Variants in PCDHA11 observed in about 807,000 individuals in gnomAD.
PCDHA11 encodes the protein protocadherin alpha 11, also known as protocadherin alpha-11.
Under a neutral mutation model 70.3 loss-of-function variants are expected in PCDHA11, and 61 were observed. That is an observed-to-expected ratio of 0.87 (90% CI 0.71 to 1.07). The LOEUF is 1.07. Ranked by LOEUF, PCDHA11 falls within the 50% of genes least tolerant of loss-of-function variation. The pLI is 0.00. For synonymous variants in PCDHA11, 633 were observed against 555.1 expected, an observed-to-expected ratio of 1.14 and a Z score of -1.97; for missense variants, 1,324 against 1,237.5, an observed-to-expected ratio of 1.07 and a Z score of -1.05.
At chr5:140,872,215 A>T (rs931630004) in intron 1 of PCDHA11, among the ~76,000 whole-genome samples, 2 of 152,188 alleles carry the variant, frequency 1.3e-5, no homozygotes, top group Non-Finnish European at 2.9e-5. Flanking sequence ...ATTATATATG[A>T]AACAATCTTT....
intron 3 of PCDHA11, among the ~76,000 whole-genome samples, chr5:141,008,578 C>T (rs1185736158): frequency 6.6e-6 from 1 of 152,202 alleles, no homozygotes; most frequent in Non-Finnish European, 1.5e-5. Context: ...TTTCCCAAGA[C>T]TCAGGGCAGA....
intron 3 of PCDHA11, among the ~76,000 whole-genome samples, chr5:140,995,639 A>G (rs1410943855): frequency 6.6e-6 from 1 of 152,190 alleles, no homozygotes; most frequent in Non-Finnish European, 1.5e-5. Context: ...TGGAGTGTTT[A>G]GAAAAGGAGA....
At chr5:140,894,043 C>G (rs1562874850) in intron 1 of PCDHA11, among the ~76,000 whole-genome samples, 1 of 152,050 alleles carries the variant, frequency 6.6e-6, no homozygotes, top group Non-Finnish European at 1.5e-5. Flanking sequence ...AATGTAAGTC[C>G]TCTGTTGAAT....
chr5:140,883,263 G>T (rs562257406), intron 1 of PCDHA11: 2 of 1,613,988 alleles, frequency 1.2e-6, no homozygotes, highest in Admixed American at 1.7e-5. Flanking sequence ...CCAATGGCGG[G>T]TCATTGTACC....
At chr5:140,903,429 G>T (rs782504374) in intron 1 of PCDHA11, among the ~76,000 whole-genome samples, 2 of 152,180 alleles carry the variant, frequency 1.3e-5, no homozygotes, top group South Asian at 4.1e-4. Context: ...AGCACAATAT[G>T]TATCAGTGGA....
intron 1 of PCDHA11, among the ~76,000 whole-genome samples, chr5:140,960,371 T>A (rs2095543916): frequency 6.6e-6 from 1 of 152,196 alleles, no homozygotes; most frequent in Non-Finnish European, 1.5e-5. Context: ...TGCCAACTCT[T>A]AAGTGCCAAG....
intron 1 of PCDHA11, among the ~76,000 whole-genome samples, chr5:140,923,269 T>C (rs1554201320): frequency 6.6e-6 from 1 of 152,218 alleles, no homozygotes; most frequent in Non-Finnish European, 1.5e-5. Flanking sequence ...TGAGACCTTG[T>C]CTCTACAAAA....
intron 1 of PCDHA11, among the ~76,000 whole-genome samples, chr5:140,888,291 A>G (rs539984108): frequency 9.2e-5 from 14 of 152,122 alleles, no homozygotes; most frequent in Admixed American, 5.2e-4. Flanking sequence ...TCTACCCCCT[A>G]CCCAGGAGAT....
In PCDHA11 at chr5:140,950,041, A is replaced by G. The variant is rs139296187; in HGVS notation, c.2392-28908A>G. Among the ~76,000 whole-genome samples, 1,151 of 152,070 alleles carry G rather than the reference A, an allele frequency of 7.6e-3. 13 individuals carry two copies. The highest frequency in any genetic ancestry group is 0.01 in the Non-Finnish European group (711 of 67,812). On this transcript the variant is annotated intron_variant, in intron 1 of 3. Transcript: ENST00000398640. ...CATAAAATATAGAAAAGTTACAACC[A>G]TATAAGACTATTTAGCTCTTCCTGT... is the stretch of plus-strand genomic sequence containing the variant.
intron 1 of PCDHA11, among the ~76,000 whole-genome samples, chr5:140,958,951 A>C (rs1212039253): frequency 6.6e-6 from 1 of 151,992 alleles, no homozygotes; most frequent in Non-Finnish European, 1.5e-5. Flanking sequence ...ATATTATATT[A>C]TTATAATTGT....
chr5:140,922,063 A>C (rs1324927848), intron 1 of PCDHA11, among the ~76,000 whole-genome samples: 2 of 152,190 alleles, frequency 1.3e-5, no homozygotes, highest in African/African-American at 4.8e-5. Context: ...AAATGTAGCA[A>C]TCCCACTAAG....
Position 141,011,847 on chromosome 5 carries a change from T to C in PCDHA11, c.*1910T>C, listed in dbSNP as rs745912784. 2.0e-5 allele frequency: 3 copies of C among 153,780 alleles called. No individual in the cohort carries two copies. Among genetic ancestry groups the C allele is most frequent in the Non-Finnish European group, 4.4e-5 (3 of 68,052 alleles). The allele number at this position is 153,780 out of a possible 1,614,324, so 9.5% of individuals were successfully genotyped here. ...ATTTGCTGTCACCTTAAATAAGACA[T>C]TTTAATTTTGTTATAATGTACAATT... On this transcript the variant is annotated 3_prime_UTR_variant, in exon 4 of 4. Coordinates refer to ENST00000398640, the MANE Select transcript of PCDHA11 (RefSeq NM_018902.5).
At chr5:140,882,545 G>C (rs1174281421) in intron 1 of PCDHA11, 1 of 1,614,120 alleles carries the variant, frequency 6.2e-7, no homozygotes, top group African/African-American at 1.3e-5. Flanking sequence ...GATCGACCGC[G>C]AGGAGCTGTG....
rs2051076893 is a variant in PCDHA11 at position 140,869,367 on chromosome 5, T to G, written c.264T>G (p.Ser88=). The change falls in exon 1 of 4, where the codon TCT becomes TCG. Residue 88 remains serine (S), a synonymous_variant. Transcript: ENST00000398640. ...AGAATGGCATTTTGTTTGTGAATTC[T>G]CGGATCGACCGCGAGGAGCTGTGCG... is the stretch of plus-strand genomic sequence containing the variant. The part of the protein sequence containing the change: ...NLQNGILFVN[S]RIDREELCGQ... The G allele has an allele frequency of 6.2e-7, 1 of 1,614,002 alleles. No homozygotes were observed. Among genetic ancestry groups the G allele is most frequent in the South Asian group, 1.1e-5 (1 of 91,082 alleles).
intron 1 of PCDHA11, among the ~76,000 whole-genome samples, chr5:140,905,599 G>A (rs782355615): frequency 2.0e-5 from 3 of 152,096 alleles, no homozygotes; most frequent in Non-Finnish European, 2.9e-5. Context: ...GCTGGGAATT[G>A]CATTGAATCT....
At chr5:140,886,461 A>G (rs1434440381) in intron 1 of PCDHA11, among the ~76,000 whole-genome samples, 2 of 152,116 alleles carry the variant, frequency 1.3e-5, no homozygotes, top group African/African-American at 2.4e-5. Context: ...TCATATATAA[A>G]TGTTTTTAAA....
At chr5:140,880,042 G>A (rs530262393) in intron 1 of PCDHA11, among the ~76,000 whole-genome samples, 3 of 152,208 alleles carry the variant, frequency 2.0e-5, no homozygotes, top group Non-Finnish European at 4.4e-5. Flanking sequence ...CAGGGATTAA[G>A]ATGTGGGCAT....
chr5:141,009,501 C>T (rs2098410009), intron 3 of PCDHA11, 126 bp from the exon 4 acceptor site: 4 of 1,492,480 alleles, frequency 2.7e-6, no homozygotes, highest in Non-Finnish European at 3.6e-6. Context: ...CAGACTTGAA[C>T]AAACAACTCG....
chr5:140,972,244 A>G (rs2096526797), intron 1 of PCDHA11, among the ~76,000 whole-genome samples: 1 of 151,646 alleles, frequency 6.6e-6, no homozygotes, highest in African/African-American at 2.4e-5. Context: ...GGCTCAAGCA[A>G]TCCTCACACA....
Sources: allele counts gnomAD v4.1 joint callset (sites outside exome capture counted in the v4.1 genomes callset), GRCh38; gene constraint gnomAD v4.1.1; transcripts MANE v1.5; gene names NCBI Gene and HGNC (gene_info 2026-07-23, HGNC 2026-07-21).